Variants in MIOS observed in about 807,000 individuals in gnomAD.
The protein encoded by MIOS is meiosis regulator for oocyte development.
Under a neutral mutation model 96.9 loss-of-function variants are expected in MIOS, and 52 were observed. The ratio of observed to expected loss-of-function variants is 0.54; its 90% CI spans 0.43 to 0.68. The LOEUF is 0.68. Among genes scored for constraint, MIOS ranks in the 30% least tolerant of loss-of-function variants. The probability of loss-of-function intolerance (pLI) is 0.00; values close to 1 mark genes in which losing one functional copy is unlikely to be tolerated. For synonymous variants in MIOS, 397 were observed against 359.5 expected (o/e 1.10, Z -1.18); for missense variants, 1,005 against 1,052.8 (o/e 0.95, Z 0.63).
chr7:7,574,387 T>G (rs543528745), intron 5 of MIOS, among the ~76,000 whole-genome samples, 191 bp downstream of exon 5: 5 of 152,270 alleles, frequency 3.3e-5, no homozygotes, highest in African/African-American at 9.6e-5. Flanking sequence ...AAACCCTTTT[T>G]GCAGGGAGTC....
chr7:7,573,948 T>C lies in MIOS; in HGVS notation c.1295-150T>C. 3 of 869,378 alleles carry C rather than the reference T, an allele frequency of 3.5e-6. No homozygotes were observed. Among genetic ancestry groups the C allele is most frequent in the Non-Finnish European group, 5.2e-6 (3 of 581,376 alleles). The allele number at this position is 869,378 out of a possible 1,614,324, so 53.9% of individuals were successfully genotyped here. ...GAACTTGAAATACTGCTTTGTAGAT[T>C]GTGTAGGAGGAAGAAAAGTGTATCT... On this transcript the variant is annotated intron_variant, in intron 4 of 12. Coordinates refer to ENST00000340080, the MANE Select transcript of MIOS (RefSeq NM_019005.4). The surrounding 1 kb of genome is among the most constrained non-coding windows in gnomAD (Gnocchi z 5.0).
intron 11 of MIOS, among the ~76,000 whole-genome samples, chr7:7,599,909 A>G (rs1161019801): frequency 2.6e-5 from 4 of 152,128 alleles, no homozygotes; most frequent in Non-Finnish European, 5.9e-5. Flanking sequence ...CCATTATCCT[A>G]AGCAAACTAA....
chr7:7,589,358 A>G, intron 8 of MIOS, 47 bp from the exon 9 acceptor site: 1 of 1,558,324 alleles, frequency 6.4e-7, no homozygotes, highest in East Asian at 2.2e-5. Flanking sequence ...AGTACAAAAT[A>G]CATAGTGAAA....
intron 3 of MIOS, among the ~76,000 whole-genome samples, chr7:7,570,644 A>G (rs1783319600): frequency 6.6e-6 from 1 of 151,610 alleles, no homozygotes; most frequent in African/African-American, 2.4e-5. Flanking sequence ...TGGGAGTGAT[A>G]GGAGACAGTG....
chr7:7,589,290 GT>G, intron 8 of MIOS, 114 bp from the exon 9 acceptor site: 1 of 845,368 alleles, frequency 1.2e-6, no homozygotes, highest in Non-Finnish European at 1.8e-6. Flanking sequence ...TTTTAGTAAA[GT>G]CTTTTGTTTT....
In MIOS at chr7:7,573,252, A is replaced by G. The variant is rs147914081; in HGVS notation, c.777A>G (p.Pro259=). ...AIWDLRKFEK[P]VLTLTEQPKP... Reference sequence around the variant, plus strand: ...GGGATCTTAGAAAATTTGAGAAGCCAGTTTTGACATTGACTGAGCAACCAA... The same window carrying G: ...GGGATCTTAGAAAATTTGAGAAGCCGGTTTTGACATTGACTGAGCAACCAA... The change falls in exon 4 of 13, where the codon CCA becomes CCG. Residue 259 remains proline, a synonymous_variant. Transcript: ENST00000340080. The surrounding 1 kb of genome is among the most constrained non-coding windows in gnomAD (Gnocchi z 5.0). 785 of 1,614,154 alleles carry G rather than the reference A, an allele frequency of 4.9e-4. 4 individuals are homozygous for G. The African/African-American group carries it at 9.4e-3, about 19-fold the overall frequency.
At chr7:7,605,108 T>G (rs1180006518) in intron 11 of MIOS, 1 of 152,166 alleles carries the variant, frequency 6.6e-6, no homozygotes, top group Non-Finnish European at 1.5e-5. Context: ...CCTGCAATGG[T>G]CCAAGCAAAA....
At chr7:7,583,819 C>A (rs1310378991) in intron 6 of MIOS, among the ~76,000 whole-genome samples, 1 of 152,032 alleles carries the variant, frequency 6.6e-6, no homozygotes, top group Non-Finnish European at 1.5e-5. Flanking sequence ...TTTATTTAGG[C>A]TAATACAAAT....
chr7:7,593,014 G>C (rs1177119613), intron 9 of MIOS, among the ~76,000 whole-genome samples: 1 of 152,148 alleles, frequency 6.6e-6, no homozygotes, highest in African/African-American at 2.4e-5. Context: ...TTTCATTACA[G>C]ATCATGTTGT....
chr7:7,596,524 T>C, intron 11 of MIOS, 63 bp downstream of exon 11: 2 of 1,472,068 alleles, frequency 1.4e-6, no homozygotes, highest in East Asian at 2.3e-5. Context: ...ATTGAGTTAA[T>C]GTTGCAAATA....
At chr7:7,602,103 CA>C (rs1347868663) in intron 11 of MIOS, among the ~76,000 whole-genome samples, 2 of 152,142 alleles carry the variant, frequency 1.3e-5, no homozygotes, top group Non-Finnish European at 2.9e-5. Flanking sequence ...ATGACACACC[CA>C]CAGCCAATAT....
intron 12 of MIOS, 139 bp downstream of exon 12, chr7:7,606,210 G>A: frequency 8.8e-7 from 1 of 1,140,836 alleles, no homozygotes; most frequent in Non-Finnish European, 1.2e-6. Context: ...GTTAACAAAG[G>A]TGGTGTGAAC....
intron 11 of MIOS, among the ~76,000 whole-genome samples, chr7:7,602,588 T>C (rs1300331794): frequency 6.6e-6 from 1 of 152,138 alleles, no homozygotes; most frequent in Admixed American, 6.5e-5. Flanking sequence ...TACAAACAAA[T>C]GGAAGAACAT....
chr7:7,602,646 T>A (rs1784413281), intron 11 of MIOS, among the ~76,000 whole-genome samples: 1 of 152,170 alleles, frequency 6.6e-6, no homozygotes, highest in Non-Finnish European at 1.5e-5. Context: ...ATGGCCATAC[T>A]GCCCAAGGTA....
At chr7:7,583,911 AAAAG>A (rs983498849) in intron 6 of MIOS, among the ~76,000 whole-genome samples, 4 of 152,128 alleles carry the variant, frequency 2.6e-5, no homozygotes, top group African/African-American at 9.6e-5. Context: ...GTATTTTTTA[AAAAG>A]AAAGAGATAA....
chr7:7,572,572 A>G lies in MIOS; in HGVS notation c.97A>G (p.Thr33Ala), dbSNP rs772709605. ...SELSLYHVES[T>A]VNSELKAGSL... ...ACTAAGTCTTTATCATGTGGAATCT[A>G]CTGTGAATTCAGAACTCAAAGCTGG... The change falls in exon 4 of 13, where the codon ACT (threonine) becomes GCT (alanine). Residue 33 changes from threonine (T) to alanine (A), a missense_variant. Thr to Ala is a moderately conservative substitution (Grantham distance 58). Coordinates refer to ENST00000340080, the MANE Select transcript of MIOS (RefSeq NM_019005.4). This position sits in a 1 kb window ranked among gnomAD's most constrained non-coding sequence, Gnocchi z 4.8. 6.2e-7 allele frequency: 1 copy of G among 1,614,054 alleles called. No individual in the cohort carries two copies. Among genetic ancestry groups the G allele is most frequent in the South Asian group, 1.1e-5 (1 of 91,078 alleles).
At chr7:7,588,640 A>C in intron 8 of MIOS, 77 bp downstream of exon 8, 1 of 898,128 alleles carries the variant, frequency 1.1e-6, no homozygotes, top group Non-Finnish European at 1.6e-6. Context: ...AGTCTTTATA[A>C]TTACATATGT....
intron 11 of MIOS, among the ~76,000 whole-genome samples, chr7:7,599,479 A>G (rs1241606334): frequency 2.0e-5 from 3 of 152,222 alleles, no homozygotes; most frequent in African/African-American, 7.2e-5. Flanking sequence ...ATATCTGGAA[A>G]GCTTTAGGAG....
At chr7:7,585,841 T>G (rs376262426) in intron 7 of MIOS, 36 bp downstream of exon 7, 218 of 1,539,482 alleles carry the variant, frequency 1.4e-4, no homozygotes, top group Non-Finnish European at 1.8e-4. Flanking sequence ...TTCCTTTGAA[T>G]TAAGATAGGA....
Sources: allele counts gnomAD v4.1 joint callset (sites outside exome capture counted in the v4.1 genomes callset), GRCh38; gene constraint gnomAD v4.1.1; non-coding constraint Gnocchi (gnomAD v3.1); transcripts MANE v1.5; gene names NCBI Gene and HGNC (gene_info 2026-07-23, HGNC 2026-07-21).